The following RUNDC3B variants were observed in gnomAD, a reference collection of about 807,000 sequenced individuals.
RUNDC3B encodes the protein RUN domain-containing protein 3B.
Under a neutral mutation model 58.4 loss-of-function variants are expected in RUNDC3B, and 33 were observed. The ratio of observed to expected loss-of-function variants is 0.56; its 90% CI spans 0.43 to 0.75. The LOEUF is 0.75. Ranked by LOEUF, RUNDC3B falls within the 30% of genes least tolerant of loss-of-function variation. The pLI is 0.00. For missense variants in RUNDC3B, 501 were observed against 535.7 expected (o/e 0.94, Z 0.64); for synonymous variants, 193 against 195.2 (o/e 0.99, Z 0.10).
intron 6 of RUNDC3B, 132 bp from the exon 7 acceptor site, chr7:87,770,446 TATA>T: frequency 4.1e-6 from 3 of 737,408 alleles, no homozygotes; most frequent in Non-Finnish European, 6.7e-6. Flanking sequence ...CTTAAATCTT[TATA>T]ATATCATTAT....
chr7:87,716,548 T>A (rs1830565595), intron 4 of RUNDC3B, among the ~76,000 whole-genome samples: 1 of 152,222 alleles, frequency 6.6e-6, no homozygotes, highest in African/African-American at 2.4e-5. Context: ...ATTTCTGTTT[T>A]ATGTTTCTTT....
At chr7:87,719,220 G>C (rs1830726438) in intron 4 of RUNDC3B, among the ~76,000 whole-genome samples, 1 of 151,544 alleles carries the variant, frequency 6.6e-6, no homozygotes, top group African/African-American at 2.4e-5. Context: ...AATTTAAAAG[G>C]CCTGAAAAAT....
intron 2 of RUNDC3B, among the ~76,000 whole-genome samples, chr7:87,691,026 G>A (rs985080142): frequency 3.9e-5 from 6 of 152,124 alleles, no homozygotes; most frequent in African/African-American, 1.2e-4. Flanking sequence ...TATCAATCAC[G>A]ATAGTGATTC....
At chr7:87,753,125 T>C (rs1833125518) in intron 6 of RUNDC3B, among the ~76,000 whole-genome samples, 1 of 152,052 alleles carries the variant, frequency 6.6e-6, no homozygotes, top group South Asian at 2.1e-4. Context: ...CTTCATTTCG[T>C]TATGTACCCA....
At chr7:87,791,166 G>A (rs188254597) in intron 8 of RUNDC3B, among the ~76,000 whole-genome samples, 5 of 152,202 alleles carry the variant, frequency 3.3e-5, no homozygotes, top group East Asian at 3.9e-4. Flanking sequence ...TTACAGGTCC[G>A]AAGAGAGTGG....
At chr7:87,704,006 C>T (rs28535535) in intron 3 of RUNDC3B, among the ~76,000 whole-genome samples, 1 of 140,082 alleles carries the variant, frequency 7.1e-6, no homozygotes, top group Non-Finnish European at 1.5e-5. Context: ...CTGCAACCTC[C>T]ACCTCCCAGG....
At chr7:87,677,537 G>A (rs944303721) in intron 2 of RUNDC3B, among the ~76,000 whole-genome samples, 4 of 152,086 alleles carry the variant, frequency 2.6e-5, no homozygotes, top group Admixed American at 6.6e-5. Flanking sequence ...GAGAAAAGGG[G>A]AGATATTGGT....
chr7:87,769,522 C>T (rs899736182), intron 6 of RUNDC3B, among the ~76,000 whole-genome samples: 1 of 151,986 alleles, frequency 6.6e-6, no homozygotes, highest in African/African-American at 2.4e-5. Flanking sequence ...TTTGAATACT[C>T]TCAAGGTAAT....
chr7:87,803,617 A>G (rs1015478894), intron 8 of RUNDC3B, among the ~76,000 whole-genome samples: 4 of 152,184 alleles, frequency 2.6e-5, no homozygotes, highest in African/African-American at 9.6e-5. Flanking sequence ...TGTACTTTCT[A>G]TACTCCCTCT....
chr7:87,738,705 A>T (rs988523898), intron 4 of RUNDC3B, among the ~76,000 whole-genome samples: 1 of 151,978 alleles, frequency 6.6e-6, no homozygotes, highest in Non-Finnish European at 1.5e-5. Context: ...ATTGTTTTAA[A>T]CTTTTCCTGA....
chr7:87,781,463 G>A (rs1834916865), intron 8 of RUNDC3B, among the ~76,000 whole-genome samples: 1 of 151,940 alleles, frequency 6.6e-6, no homozygotes, highest in South Asian at 2.1e-4. Flanking sequence ...TTACCTATTT[G>A]GATGCTTTTT....
intron 1 of RUNDC3B, among the ~76,000 whole-genome samples, chr7:87,638,133 TG>T (rs1821997877): frequency 6.6e-6 from 1 of 152,172 alleles, no homozygotes; most frequent in African/African-American, 2.4e-5. Flanking sequence ...TGTTGACTTT[TG>T]CATGTTAAAC....
chr7:87,680,961 A>G (rs761477489), intron 2 of RUNDC3B, among the ~76,000 whole-genome samples: 1 of 150,602 alleles, frequency 6.6e-6, no homozygotes, highest in Non-Finnish European at 1.5e-5. Context: ...GAAATCATTA[A>G]TAAAATTCAT....
chr7:87,630,513 C>T (rs1821108108), intron 1 of RUNDC3B, among the ~76,000 whole-genome samples: 1 of 151,972 alleles, frequency 6.6e-6, no homozygotes, highest in Non-Finnish European at 1.5e-5. Flanking sequence ...GTAAATGGAA[C>T]CATAAGCAAG....
chr7:87,831,907 A>C lies in RUNDC3B; in HGVS notation c.*1877A>C, dbSNP rs1838145641. ...TTTACATACATTTTTATAATGTAGA[A>C]GGAAATTCAAGATTCCATAATCGTA... On this transcript the variant is annotated 3_prime_UTR_variant, in exon 11 of 11. Transcript: ENST00000394654. 6.6e-6 allele frequency: 1 copy of C among 152,030 alleles called. No homozygotes were observed. Among genetic ancestry groups the C allele is most frequent in the African/African-American group, 2.4e-5 (1 of 41,448 alleles). 9.4% of individuals were successfully genotyped at this position (152,030 alleles called of 1,614,324 possible).
At chr7:87,801,162 A>G (rs572948977) in intron 8 of RUNDC3B, among the ~76,000 whole-genome samples, 1 of 152,302 alleles carries the variant, frequency 6.6e-6, no homozygotes, top group East Asian at 1.9e-4. Flanking sequence ...CTCAAGTTGT[A>G]TATACATTAT....
chr7:87,803,213 A>G (rs1836265219), intron 8 of RUNDC3B, among the ~76,000 whole-genome samples: 1 of 152,138 alleles, frequency 6.6e-6, no homozygotes, highest in Non-Finnish European at 1.5e-5. Flanking sequence ...ATGTGGAACT[A>G]TTTTTCCTTT....
Position 87,628,851 on chromosome 7 carries a change from A to G in RUNDC3B, c.28A>G (p.Ser10Gly). ...GGCCTCCCGGAGCCTGGGGGGCCTG[A>G]GCGGGATCCGCGGCGGTGGCGGCGG... MASRSLGGLSGIRGGGGGGG... is the reference protein window; with the variant it reads MASRSLGGLGGIRGGGGGGG... Residue 10 changes from serine to glycine, a missense_variant, in exon 1 of 11, where the codon AGC becomes GGC. By Grantham distance (56) the Ser-to-Gly change is moderately conservative. Transcript: ENST00000394654. 2.4e-6 allele frequency: 3 copies of G among 1,271,638 alleles called. No homozygotes were observed. Among genetic ancestry groups the G allele is most frequent in the Non-Finnish European group, 3.0e-6 (3 of 1,001,422 alleles). The allele number at this position is 1,271,638 out of a possible 1,614,324, so 78.8% of individuals were successfully genotyped here.
chr7:87,684,746 C>CAAGAAAAAAAAAAAAAAAAAAA (rs1827285823), intron 2 of RUNDC3B, among the ~76,000 whole-genome samples: 1 of 37,784 alleles, frequency 2.6e-5, no homozygotes, highest in Non-Finnish European at 4.0e-5. Flanking sequence ...GACTCCGTCT[C>CAAGAAAAAAAAAAAAAAAAAAA]AAAAAAAAAA....
Sources: allele counts gnomAD v4.1 joint callset (sites outside exome capture counted in the v4.1 genomes callset), GRCh38; gene constraint gnomAD v4.1.1; transcripts MANE v1.5; gene names NCBI Gene and HGNC (gene_info 2026-07-23, HGNC 2026-07-21).